The following IKZF1 variants were observed in gnomAD, a reference collection of about 807,000 sequenced individuals.
IKZF1 encodes DNA-binding protein Ikaros.
IKZF1 carries 10 observed loss-of-function variants against 51.7 expected under a neutral mutation model. That is an observed-to-expected ratio of 0.19 (90% confidence interval 0.12 to 0.33). The LOEUF (loss-of-function observed/expected upper bound fraction) is 0.33, where lower values mean the gene tolerates loss of function less well. IKZF1 is among the 10% of genes least tolerant of loss of function. IKZF1 has a pLI of 1.00. For synonymous variants in IKZF1, 280 were observed against 282.3 expected, an observed-to-expected ratio of 0.99 and a Z score of 0.08; for missense variants, 484 against 707.5, an observed-to-expected ratio of 0.68 and a Z score of 3.58.
intron 3 of IKZF1, among the ~76,000 whole-genome samples, chr7:50,343,370 C>A (rs1436526508): frequency 6.6e-6 from 1 of 151,952 alleles, no homozygotes; most frequent in Non-Finnish European, 1.5e-5. Context: ...GGACTAGTGA[C>A]CAAATTGTTT....
At chr7:50,342,943 T>C (rs1431668118) in intron 3 of IKZF1, among the ~76,000 whole-genome samples, 2 of 152,250 alleles carry the variant, frequency 1.3e-5, no homozygotes, top group South Asian at 2.1e-4. Flanking sequence ...GAAGCTTTGA[T>C]TGGGCCGTTA....
At chr7:50,346,774 A>G (rs934822128) in intron 3 of IKZF1, among the ~76,000 whole-genome samples, 1 of 152,262 alleles carries the variant, frequency 6.6e-6, no homozygotes. Context: ...GTAATTTCAC[A>G]TGACTCACTG....
At chr7:50,398,614 T>C (rs909397265) in intron 7 of IKZF1, among the ~76,000 whole-genome samples, 3 of 152,184 alleles carry the variant, frequency 2.0e-5, no homozygotes, top group African/African-American at 7.2e-5. Context: ...ACACATAAAC[T>C]TCTACCTACC....
intron 1 of IKZF1, among the ~76,000 whole-genome samples, chr7:50,305,153 C>T (rs749921564): frequency 2.6e-4 from 40 of 152,134 alleles, no homozygotes; most frequent in Admixed American, 1.9e-3. Context: ...CTGAGCAGCC[C>T]CGCTGTCACC....
At chr7:50,345,051 A>C (rs1172808546) in intron 3 of IKZF1, among the ~76,000 whole-genome samples, 1 of 151,982 alleles carries the variant, frequency 6.6e-6, no homozygotes, top group Non-Finnish European at 1.5e-5. Flanking sequence ...AGAGGAATGA[A>C]TATTTTAAGC....
intron 3 of IKZF1, among the ~76,000 whole-genome samples, chr7:50,329,992 C>A (rs577067219): frequency 1.5e-4 from 23 of 152,154 alleles, no homozygotes; most frequent in Non-Finnish European, 3.1e-4. Flanking sequence ...CTGTCCCTTA[C>A]GGACGTCATA....
rs1817977935 is a variant in IKZF1 at position 50,400,767 on chromosome 7, T to C, written c.*140T>C. ...TTGGATTTGTAACTGTTTTTTGTTTTTTGTTTGAGTTGGTTGATTGGGGTT... is the reference window on the plus strand; with the variant it reads ...TTGGATTTGTAACTGTTTTTTGTTTCTTGTTTGAGTTGGTTGATTGGGGTT... On this transcript the variant is annotated 3_prime_UTR_variant, in exon 8 of 8. Coordinates refer to ENST00000331340, the MANE Select transcript of IKZF1 (RefSeq NM_006060.6). The surrounding 1 kb of genome is among the most constrained non-coding windows in gnomAD (Gnocchi z 5.4). 1 of 1,121,520 alleles carries C rather than the reference T, an allele frequency of 8.9e-7. No homozygotes were observed. The highest frequency in any genetic ancestry group is 1.2e-6 in the Non-Finnish European group (1 of 804,642). 69.5% of individuals were successfully genotyped at this position (1,121,520 alleles called of 1,614,324 possible).
intron 7 of IKZF1, among the ~76,000 whole-genome samples, chr7:50,397,936 T>C (rs1453201997): frequency 6.6e-6 from 1 of 152,240 alleles, no homozygotes; most frequent in African/African-American, 2.4e-5. Context: ...CAGGCTATTA[T>C]ATGATACATA....
At chr7:50,370,170 T>G (rs886849126) in intron 3 of IKZF1, among the ~76,000 whole-genome samples, 2 of 152,228 alleles carry the variant, frequency 1.3e-5, no homozygotes, top group African/African-American at 4.8e-5. Flanking sequence ...CAAGCTTACA[T>G]GGCCTAAACT....
chr7:50,363,726 A>C (rs1805959702), intron 3 of IKZF1, among the ~76,000 whole-genome samples: 1 of 152,222 alleles, frequency 6.6e-6, no homozygotes, highest in Non-Finnish European at 1.5e-5. Context: ...ATCCATCCAC[A>C]GAAGGTCTGA....
chr7:50,349,242 G>A (rs1801196617), intron 3 of IKZF1, among the ~76,000 whole-genome samples: 2 of 152,138 alleles, frequency 1.3e-5, no homozygotes, highest in African/African-American at 2.4e-5. Flanking sequence ...GTTCTAAATA[G>A]CACTAGTAAA....
At chr7:50,348,353 T>C (rs979771035) in intron 3 of IKZF1, among the ~76,000 whole-genome samples, 7 of 152,200 alleles carry the variant, frequency 4.6e-5, no homozygotes, top group African/African-American at 1.4e-4. Context: ...CGTTTGTTGA[T>C]TATTGATTTT....
intron 3 of IKZF1, among the ~76,000 whole-genome samples, chr7:50,349,584 A>G (rs945621325): frequency 1.3e-5 from 2 of 152,212 alleles, no homozygotes; most frequent in Non-Finnish European, 2.9e-5. Flanking sequence ...CCAAGGGGAC[A>G]GACCCTGTGG....
intron 2 of IKZF1, 97 bp from the exon 3 acceptor site, chr7:50,327,541 C>T: frequency 7.0e-7 from 1 of 1,428,070 alleles, no homozygotes; most frequent in South Asian, 1.4e-5. Context: ...CACCCAGTAC[C>T]TGCCTCCTCA....
intron 3 of IKZF1, among the ~76,000 whole-genome samples, chr7:50,336,525 AG>A (rs1200434622): frequency 6.6e-6 from 1 of 152,202 alleles, no homozygotes; most frequent in African/African-American, 2.4e-5. Flanking sequence ...ATAGCCCTTC[AG>A]GGGGCCTGTC....
intron 3 of IKZF1, among the ~76,000 whole-genome samples, chr7:50,363,704 A>G (rs767509937): frequency 6.6e-6 from 1 of 152,234 alleles, no homozygotes; most frequent in African/African-American, 2.4e-5. Context: ...AGGGTGGTCT[A>G]AAAACAAATG....
At chr7:50,334,957 T>G (rs1167981671) in intron 3 of IKZF1, among the ~76,000 whole-genome samples, 1 of 150,918 alleles carries the variant, frequency 6.6e-6, no homozygotes, top group Non-Finnish European at 1.5e-5. Context: ...TGTGTATGTG[T>G]GGTGTGTGTG....
At chr7:50,360,219 C>G (rs950660290) in intron 3 of IKZF1, among the ~76,000 whole-genome samples, 26 of 152,076 alleles carry the variant, frequency 1.7e-4, no homozygotes, top group African/African-American at 6.3e-4. Context: ...TCTGGCCTCC[C>G]TGAAGCAGGG....
chr7:50,369,346 C>CCCTTCAGTGAAG, intron 3 of IKZF1: 1 of 393,716 alleles, frequency 2.5e-6, no homozygotes, highest in Non-Finnish European at 4.5e-6. Flanking sequence ...TTGAAGCAGA[C>CCCTTCAGTGAAG]CCTTCAGTGA....
Sources: allele counts gnomAD v4.1 joint callset (sites outside exome capture counted in the v4.1 genomes callset), GRCh38; gene constraint gnomAD v4.1.1; non-coding constraint Gnocchi (gnomAD v3.1); transcripts MANE v1.5; gene names NCBI Gene and HGNC (gene_info 2026-07-23, HGNC 2026-07-21).